The following PYHIN1 variants were observed in gnomAD, a reference collection of about 807,000 sequenced individuals.
The protein encoded by PYHIN1 is pyrin and HIN domain family member 1.
A neutral mutation model predicts 43.7 loss-of-function variants in PYHIN1; 32 were observed. The observed-to-expected ratio is 0.73, with a 90% confidence interval of 0.55 to 0.98. PYHIN1 has a LOEUF of 0.98. Ranked by LOEUF, PYHIN1 falls within the 50% of genes least tolerant of loss-of-function variation. The probability of loss-of-function intolerance (pLI) is 0.00; values close to 1 mark genes in which losing one functional copy is unlikely to be tolerated. For synonymous variants in PYHIN1, 205 were observed against 203.1 expected (o/e 1.01, Z -0.08); for missense variants, 588 against 589.5 (o/e 1.00, Z 0.03).
At chr1:158,985,612 T>C in the PYHIN1 span, among the ~76,000 whole-genome samples, 6,266 of 152,250 alleles carry the variant, frequency 0.041, 353 homozygotes, top group East Asian at 0.26. Flanking sequence ...TCTTGGAGAA[T>C]TGGATAACTA....
intron 7 of PYHIN1, among the ~76,000 whole-genome samples, chr1:158,971,403 C>A (rs941411070): frequency 2.6e-5 from 4 of 151,698 alleles, no homozygotes; most frequent in African/African-American, 9.7e-5. Flanking sequence ...TTTCCAGACA[C>A]CCATTATCCT....
chr1:158,959,805 G>C (rs550590926), intron 7 of PYHIN1, among the ~76,000 whole-genome samples: 1 of 152,114 alleles, frequency 6.6e-6, no homozygotes, highest in Non-Finnish European at 1.5e-5. Context: ...TCAGATGGTA[G>C]GTAGAGTCTA....
chr1:158,968,155 ACTAT>A (rs1436441614), intron 7 of PYHIN1, among the ~76,000 whole-genome samples: 3 of 151,942 alleles, frequency 2.0e-5, no homozygotes, highest in Admixed American at 6.6e-5. Flanking sequence ...AAGTAATCAA[ACTAT>A]CTACAGAATG....
At chr1:158,965,292 G>A (rs1314483804) in intron 7 of PYHIN1, among the ~76,000 whole-genome samples, 1 of 151,908 alleles carries the variant, frequency 6.6e-6, no homozygotes, top group Non-Finnish European at 1.5e-5. Flanking sequence ...AATAATAGTG[G>A]GAGACTTCAA....
intron 7 of PYHIN1, among the ~76,000 whole-genome samples, chr1:158,967,391 A>G (rs1319180937): frequency 6.6e-6 from 1 of 152,056 alleles, no homozygotes; most frequent in Non-Finnish European, 1.5e-5. Flanking sequence ...AGGCTAACCA[A>G]GGAGGTAGTT....
chr1:158,950,639 A>G (rs1471620745), intron 7 of PYHIN1, among the ~76,000 whole-genome samples: 1 of 152,186 alleles, frequency 6.6e-6, no homozygotes, highest in Non-Finnish European at 1.5e-5. Context: ...GTGCTTTTCT[A>G]CAGCTGATTG....
intron 4 of PYHIN1, chr1:158,939,545 T>C (rs1273485452): frequency 6.5e-7 from 1 of 1,543,156 alleles, no homozygotes; most frequent in South Asian, 1.2e-5. Flanking sequence ...TATACACCCA[T>C]TCCCTTTGCT....
intron 7 of PYHIN1, among the ~76,000 whole-genome samples, chr1:158,953,972 G>A (rs1649758060): frequency 7.9e-6 from 1 of 126,366 alleles, no homozygotes; most frequent in East Asian, 2.3e-4. Flanking sequence ...CTCAGGAGCC[G>A]ATGCGATCAA....
the PYHIN1 span, among the ~76,000 whole-genome samples, chr1:158,984,241 G>C: frequency 1.3e-5 from 2 of 151,832 alleles, no homozygotes; most frequent in Admixed American, 1.3e-4. Context: ...GTGATGTTAG[G>C]TATAAATTTA....
intron 7 of PYHIN1, among the ~76,000 whole-genome samples, chr1:158,960,597 A>C (rs1650263485): frequency 6.6e-6 from 1 of 152,238 alleles, no homozygotes; most frequent in East Asian, 1.9e-4. Flanking sequence ...TGAGCAGGAA[A>C]GTCTTGTGCC....
chr1:158,974,901 C>G (rs1614568), intron 8 of PYHIN1, among the ~76,000 whole-genome samples: 110,595 of 151,954 alleles, frequency 0.73, 42,787 homozygotes, highest in Non-Finnish European at 0.85. Context: ...ATTGAACATC[C>G]CAGGACAACA....
At chr1:158,989,570 A>G in the PYHIN1 span, among the ~76,000 whole-genome samples, 1 of 152,210 alleles carries the variant, frequency 6.6e-6, no homozygotes. Context: ...GTGGAACATC[A>G]TGTAACGATG....
chr1:158,944,987 A>G lies in PYHIN1; in HGVS notation c.1304A>G (p.His435Arg), dbSNP rs777702221. The G allele has an allele frequency of 5.0e-6, 8 of 1,613,812 alleles. No individual in the cohort carries two copies. The highest frequency in any genetic ancestry group is 3.3e-5 in the Admixed American group (2 of 59,986). The change falls in exon 7 of 9, where the codon CAT (histidine) becomes CGT (arginine). Residue 435 changes from histidine to arginine, a missense_variant. Coordinates refer to ENST00000368140, the MANE Select transcript of PYHIN1 (RefSeq NM_152501.5). ...SEASTTLPES[H>R]LKTPQMPPTT... ...GCCAGCACAACCCTACCTGAAAGCC[A>G]TCTCAAGACTCCTCAGATGCCACCA...
At chr1:158,979,239 G>A (rs189879899), downstream of PYHIN1, among the ~76,000 whole-genome samples, 201 of 152,294 alleles carry the variant, frequency 1.3e-3, 1 homozygote, top group African/African-American at 4.8e-3. Flanking sequence ...TTGTGCAGCA[G>A]ATCTACAGAG....
intron 7 of PYHIN1, among the ~76,000 whole-genome samples, chr1:158,951,934 A>C (rs1293612188): frequency 1.1e-4 from 17 of 152,130 alleles, no homozygotes; most frequent in Admixed American, 1.1e-3. Context: ...AGTTTTTTAA[A>C]TTTTAAATTT....
At chr1:158,971,674 T>C (rs1009864928) in intron 7 of PYHIN1, among the ~76,000 whole-genome samples, 12 of 152,058 alleles carry the variant, frequency 7.9e-5, no homozygotes. Flanking sequence ...GTGTATTTGC[T>C]TGATGAAAAT....
chr1:158,953,560 C>G (rs1306356715), intron 7 of PYHIN1, among the ~76,000 whole-genome samples: 1 of 151,324 alleles, frequency 6.6e-6, no homozygotes, highest in African/African-American at 2.4e-5. Flanking sequence ...AGAAGGAAAA[C>G]TAACAAACAG....
intron 4 of PYHIN1, chr1:158,939,779 G>T: frequency 2.0e-6 from 1 of 508,206 alleles, no homozygotes; most frequent in Non-Finnish European, 3.5e-6. Context: ...CTTTTCTACT[G>T]TTTATGACAA....
At chr1:158,952,569 T>C (rs576267584) in intron 7 of PYHIN1, among the ~76,000 whole-genome samples, 302 of 152,246 alleles carry the variant, frequency 2.0e-3, no homozygotes, top group African/African-American at 2.6e-3. Flanking sequence ...CTTGGTGATA[T>C]TGGGGCTGAG....
Sources: allele counts gnomAD v4.1 joint callset (sites outside exome capture counted in the v4.1 genomes callset), GRCh38; gene constraint gnomAD v4.1.1; transcripts MANE v1.5; gene names NCBI Gene and HGNC (gene_info 2026-07-23, HGNC 2026-07-21).